Variants in CENPI observed in about 807,000 individuals in gnomAD.
The protein encoded by CENPI is centromere protein I.
In CENPI, 4 loss-of-function variants were observed where a neutral mutation model predicts 60.4. The observed-to-expected ratio is 0.07, with a 90% CI of 0.03 to 0.15. CENPI has a LOEUF of 0.15. Ranked by LOEUF, CENPI falls within the 10% of genes least tolerant of loss-of-function variation. The pLI, the probability that CENPI is intolerant of heterozygous loss-of-function variation, is 1.00. For synonymous variants in CENPI, 157 were observed against 189.4 expected (o/e 0.83, Z 1.40); for missense variants, 444 against 534.5 (o/e 0.83, Z 1.67).
chrX:101,109,076 T>G (rs1438186319), intron 4 of CENPI, among the ~76,000 whole-genome samples: 2 of 35,854 alleles, frequency 5.6e-5, no homozygotes, highest in South Asian at 1.3e-3. Flanking sequence ...AGGTGTGGTG[T>G]TTTTTTTTTT....
At chrX:101,136,506 AGTTATTGCCTT>A (rs1431252000) in intron 15 of CENPI, among the ~76,000 whole-genome samples, 2 of 112,515 alleles carry the variant, frequency 1.8e-5, no homozygotes, top group African/African-American at 3.2e-5. Context: ...TGTAGTAACT[AGTTATTGCCTT>A]GTTATTGTAT....
chrX:101,107,897 G>A (rs888936613), intron 4 of CENPI, among the ~76,000 whole-genome samples: 2 of 99,875 alleles, frequency 2.0e-5, no homozygotes, highest in African/African-American at 7.5e-5. Flanking sequence ...GATTACAGGC[G>A]TGAGCCACCA....
chrX:101,110,099 T>TAAAATAAGGA (rs2089537580), intron 6 of CENPI, 101 bp downstream of exon 6: 2 of 422,372 alleles, frequency 4.7e-6, no homozygotes, highest in Non-Finnish European at 3.9e-6. Context: ...ATGTTTTTCC[T>TAAAATAAGGA]TATTTTAAAA....
the CENPI span, among the ~76,000 whole-genome samples, chrX:101,175,181 A>G: frequency 8.9e-6 from 1 of 112,671 alleles, no homozygotes; most frequent in Non-Finnish European, 1.9e-5. Flanking sequence ...GGTGAGGATT[A>G]TAACAATTAT....
At chrX:101,122,844 C>T (rs2089693902) in intron 8 of CENPI, among the ~76,000 whole-genome samples, 1 of 111,653 alleles carries the variant, frequency 9.0e-6, no homozygotes, top group African/African-American at 3.3e-5. Flanking sequence ...CCAGCCTGGG[C>T]GACAGGGCAA....
intron 5 of CENPI, 70 bp from the exon 6 acceptor site, chrX:101,109,821 G>C: frequency 2.7e-6 from 2 of 748,223 alleles, no homozygotes; most frequent in Admixed American, 2.8e-5. Flanking sequence ...GGCGGGGGAC[G>C]GGGGGCGGAA....
At chrX:101,160,155 C>G (rs1377381504) in intron 20 of CENPI, among the ~76,000 whole-genome samples, 1 of 111,395 alleles carries the variant, frequency 9.0e-6, no homozygotes, top group African/African-American at 3.3e-5. Flanking sequence ...TGTGCACAGG[C>G]AGACTGCCAG....
At chrX:101,156,305 C>T (rs1298678774) in intron 20 of CENPI, among the ~76,000 whole-genome samples, 2 of 111,400 alleles carry the variant, frequency 1.8e-5, no homozygotes, top group African/African-American at 3.3e-5. Flanking sequence ...CCACTGCTCC[C>T]GCCTTATCCT....
chrX:101,109,818 G>T, intron 5 of CENPI, 73 bp from the exon 6 acceptor site: 1 of 731,607 alleles, frequency 1.4e-6, no homozygotes, highest in Non-Finnish European at 2.1e-6. Context: ...GGTGGCGGGG[G>T]ACGGGGGGCG....
At chrX:101,170,930 C>T (rs1335480008), downstream of CENPI, among the ~76,000 whole-genome samples, 1 of 111,887 alleles carries the variant, frequency 8.9e-6, no homozygotes, top group East Asian at 2.8e-4. Context: ...TGCACCTGGC[C>T]TCCAATGCAG....
chrX:101,151,802 C>G (rs1187246633), intron 20 of CENPI, among the ~76,000 whole-genome samples: 1 of 103,521 alleles, frequency 9.7e-6, no homozygotes, highest in Non-Finnish European at 2.0e-5. Context: ...CCACTGCACT[C>G]CAGCCCAGGT....
At chrX:101,121,866 G>A (rs1375069656) in intron 8 of CENPI, among the ~76,000 whole-genome samples, 7 of 96,728 alleles carry the variant, frequency 7.2e-5, no homozygotes, top group African/African-American at 2.3e-4. Flanking sequence ...GCAGTGGTGC[G>A]ATCTCAGCTC....
Position 101,110,203 on chromosome X carries a change from C to T in CENPI, c.591+205C>T, listed in dbSNP as rs181009306. Among the ~76,000 whole-genome samples, 34 of 112,439 alleles carry T rather than the reference C, an allele frequency of 3.0e-4. No individual in the cohort carries two copies. In the East Asian group the frequency reaches 7.8e-3, roughly 26 times the overall value. ...ATAACATTCTATTTTGCACCTGTCT[C>T]TCAGATTAACAAATAGAAAATTTTT... On this transcript the variant is annotated intron_variant, in intron 6 of 21. Coordinates refer to ENST00000682095, the MANE Select transcript of CENPI (RefSeq NM_001386188.2).
chrX:101,159,318 C>A (rs1044719346), intron 20 of CENPI, among the ~76,000 whole-genome samples: 4 of 107,688 alleles, frequency 3.7e-5, no homozygotes, highest in Admixed American at 2.0e-4. Flanking sequence ...CCCGCCACCA[C>A]GCCTGGCTAA....
At chrX:101,143,304 A>G (rs1387117536) in intron 16 of CENPI, among the ~76,000 whole-genome samples, 1 of 110,535 alleles carries the variant, frequency 9.0e-6, no homozygotes, top group Non-Finnish European at 1.9e-5. Flanking sequence ...TATGAATTCA[A>G]ATTTGTAAGT....
intron 4 of CENPI, among the ~76,000 whole-genome samples, chrX:101,104,701 T>TA (rs77304379): frequency 9.3e-6 from 1 of 108,043 alleles, no homozygotes; most frequent in African/African-American, 3.4e-5. Context: ...TACAAAATGT[T>TA]AAAAAAAAAT....
intron 6 of CENPI, among the ~76,000 whole-genome samples, chrX:101,115,601 C>G (rs1444558661): frequency 3.6e-5 from 4 of 110,273 alleles, no homozygotes; most frequent in African/African-American, 1.3e-4. Flanking sequence ...TGGCCTTAAG[C>G]AATCCTCTTG....
intron 4 of CENPI, 57 bp from the exon 5 acceptor site, chrX:101,109,416 G>A (rs1364352529): frequency 6.4e-6 from 6 of 937,694 alleles, no homozygotes; most frequent in Non-Finnish European, 6.1e-6. Flanking sequence ...GTGAATAATA[G>A]TAAAAGAACA....
chrX:101,108,644 T>C (rs2089513821), intron 4 of CENPI, among the ~76,000 whole-genome samples: 1 of 91,171 alleles, frequency 1.1e-5, no homozygotes, highest in Non-Finnish European at 2.2e-5. Flanking sequence ...TAATTTGCCT[T>C]ATAGTTTTTT....
Sources: gnomAD v4.1 joint callset for allele counts (sites outside exome capture counted in the v4.1 genomes callset) on GRCh38, gnomAD v4.1.1 for gene constraint, MANE v1.5 for transcripts, NCBI Gene and HGNC (gene_info 2026-07-23, HGNC 2026-07-21) for gene names.